The following TGFBI variants were observed in gnomAD, a reference collection of about 807,000 sequenced individuals.
TGFBI encodes transforming growth factor beta induced, also known as transforming growth factor-beta-induced protein ig-h3.
A neutral mutation model predicts 73.7 loss-of-function variants in TGFBI; 50 were observed. That is an observed-to-expected ratio of 0.68 (90% confidence interval 0.54 to 0.86). The LOEUF (loss-of-function observed/expected upper bound fraction) is 0.86, where lower values mean the gene tolerates loss of function less well. Among genes scored for constraint, TGFBI ranks in the 40% least tolerant of loss-of-function variants. The pLI is 0.00. For missense variants in TGFBI, 839 were observed against 877.0 expected, an observed-to-expected ratio of 0.96 and a Z score of 0.55; for synonymous variants, 362 against 360.5, an observed-to-expected ratio of 1.00 and a Z score of -0.05.
chr5:136,043,846 G>A (rs769565892), intron 2 of TGFBI, among the ~76,000 whole-genome samples: 3 of 152,216 alleles, frequency 2.0e-5, no homozygotes, highest in African/African-American at 4.8e-5. Flanking sequence ...GTTGGCAGCC[G>A]CCAGGAGCAT....
At position 136,054,015 on chromosome 5, in the gene TGFBI, T is replaced by A; in HGVS notation, c.1199T>A (p.Leu400His). Reference protein sequence around the residue: ...TAIDLFRQAGLGNHLSGSERL... With the variant: ...TAIDLFRQAGHGNHLSGSERL... ...ATTGACCTTTTCAGACAAGCCGGCCTCGGCAATCATCTCTCTGGAAGTGAG... is the reference window on the plus strand; with the variant it reads ...ATTGACCTTTTCAGACAAGCCGGCCACGGCAATCATCTCTCTGGAAGTGAG... Residue 400 changes from leucine to histidine, a missense_variant, in exon 9 of 17, where the codon CTC (leucine) becomes CAC (histidine). Physicochemically the swap from Leu to His is moderately conservative, Grantham distance 99. Transcript: ENST00000442011. The A allele has an allele frequency of 2.5e-6, 4 of 1,614,054 alleles. No individual in the cohort carries two copies. The highest frequency in any genetic ancestry group is 1.7e-6 in the Non-Finnish European group (2 of 1,179,890).
Position 136,046,462 on chromosome 5 carries a change from C to G in TGFBI, c.426C>G (p.Ala142=), listed in dbSNP as rs1385227019. ...GGCCCGGCAGCTTCACCATCTTCGC[C>G]CCTAGCAACGAGGCCTGGGCCTCCT... ...MEGPGSFTIF[A]PSNEAWASLP... is the part of the protein sequence containing the mutation. The change falls in exon 4 of 17, where the codon GCC becomes GCG. Residue 142 remains alanine (A), a synonymous_variant. Transcript: ENST00000442011. The G allele has an allele frequency of 3.1e-6, 5 of 1,611,912 alleles. No individual in the cohort carries two copies. The African/African-American group carries it at 6.7e-5, about 22-fold the overall frequency.
chr5:136,060,600 C>T (rs947534433), intron 13 of TGFBI, among the ~76,000 whole-genome samples: 1 of 152,106 alleles, frequency 6.6e-6, no homozygotes, highest in Admixed American at 6.6e-5. Flanking sequence ...ATCACAGCTA[C>T]TCTGGAGGCT....
At position 136,063,322 on chromosome 5, in the gene TGFBI, T is replaced by C; in HGVS notation, c.*96T>C. On this transcript the variant is annotated 3_prime_UTR_variant, in exon 17 of 17. Coordinates refer to ENST00000442011, the MANE Select transcript of TGFBI (RefSeq NM_000358.3). ...GTTTGAATGTTTTCAAAACCAAGTA[T>C]CACACTTTAATGTACATGGGCCGCA... The C allele has an allele frequency of 4.2e-6, 5 of 1,178,950 alleles. No individual in the cohort carries two copies. In the South Asian group the frequency reaches 6.5e-5, roughly 15 times the overall value. The allele number at this position is 1,178,950 out of a possible 1,614,324, so 73.0% of individuals were successfully genotyped here.
At chr5:136,061,242 G>A in intron 14 of TGFBI, 1 of 577,442 alleles carries the variant, frequency 1.7e-6, no homozygotes, top group South Asian at 2.1e-5. Context: ...TCCTCTTACA[G>A]CATCTCACCT....
intron 2 of TGFBI, among the ~76,000 whole-genome samples, chr5:136,038,179 C>A (rs1011507131): frequency 1.3e-5 from 2 of 152,180 alleles, no homozygotes; most frequent in Non-Finnish European, 2.9e-5. Context: ...AGGAGGCTGA[C>A]TAGCTGACAA....
chr5:136,043,276 G>A (rs1751371238), intron 2 of TGFBI, among the ~76,000 whole-genome samples: 1 of 152,132 alleles, frequency 6.6e-6, no homozygotes. Flanking sequence ...CAGTGTTTTA[G>A]CCGTCCCCAG....
At chr5:136,040,130 T>C (rs1052758932) in intron 2 of TGFBI, among the ~76,000 whole-genome samples, 3 of 152,238 alleles carry the variant, frequency 2.0e-5, no homozygotes, top group Non-Finnish European at 2.9e-5. Flanking sequence ...TGGAAACTTA[T>C]TTTAGGGAGA....
intron 2 of TGFBI, among the ~76,000 whole-genome samples, 194 bp downstream of exon 2, chr5:136,034,055 G>C (rs1350768961): frequency 4.6e-5 from 7 of 152,088 alleles, no homozygotes; most frequent in Non-Finnish European, 1.0e-4. Context: ...CATTTTTAAG[G>C]CTGCTGACAA....
chr5:136,049,616 G>A, intron 7 of TGFBI, 36 bp downstream of exon 7: 2 of 1,600,200 alleles, frequency 1.2e-6, no homozygotes, highest in South Asian at 1.1e-5. Context: ...TGCCTCATTT[G>A]TGCAGCTAGA....
chr5:136,063,057 C>A (rs1039414848), intron 16 of TGFBI, 129 bp from the exon 17 acceptor site: 9 of 792,844 alleles, frequency 1.1e-5, no homozygotes, highest in African/African-American at 1.7e-5. Flanking sequence ...AACCACAAAG[C>A]ACCTGCTATG....
intron 2 of TGFBI, among the ~76,000 whole-genome samples, chr5:136,040,102 T>A (rs1032358558): frequency 3.9e-5 from 6 of 152,238 alleles, no homozygotes; most frequent in African/African-American, 1.2e-4. Flanking sequence ...GTGGTTGTTT[T>A]AAATTATATT....
At chr5:136,030,212 G>A (rs1188318878) in intron 1 of TGFBI, among the ~76,000 whole-genome samples, 3 of 152,166 alleles carry the variant, frequency 2.0e-5, no homozygotes, top group Non-Finnish European at 4.4e-5. Context: ...GGGGTCTGGC[G>A]TTCACACCCA....
In TGFBI at chr5:136,061,491, C is replaced by A. The variant is rs1416794637; in HGVS notation, c.1907-9C>A. ...CTCTGGTCAAACCTGCCTTTTCTTT[C>A]CTCTTCAGCCAACAGACCTCAGGAA... On this transcript the variant is annotated splice_polypyrimidine_tract_variant and intron_variant, in intron 14 of 16. Transcript: ENST00000442011. 6.3e-7 allele frequency: 1 copy of A among 1,594,668 alleles called. No individual in the cohort carries two copies. The highest frequency in any genetic ancestry group is 8.5e-7 in the Non-Finnish European group (1 of 1,169,656).
At chr5:136,040,324 G>A (rs1422336665) in intron 2 of TGFBI, among the ~76,000 whole-genome samples, 1 of 152,122 alleles carries the variant, frequency 6.6e-6, no homozygotes, top group Non-Finnish European at 1.5e-5. Context: ...ACTAGTCTGT[G>A]ACCTGTTAGG....
chr5:136,054,131 C>T (rs1283300431), intron 9 of TGFBI, 51 bp downstream of exon 9: 23 of 1,590,598 alleles, frequency 1.4e-5, no homozygotes, highest in Non-Finnish European at 2.0e-5. Flanking sequence ...GCAGCTTCCC[C>T]ACCCCTGTCA....
rs1751053186 is a variant in TGFBI, at chr5:136,028,990, C to T, written c.-66C>T. On this transcript the variant is annotated 5_prime_UTR_variant, in exon 1 of 17. Transcript: ENST00000442011. Reference sequence around the variant, plus strand: ...CTGGCCCGGGCGGCGGAGGCGCTCTCACTTCCCTGGAGCCGCCCGCTTGCC... The same window carrying T: ...CTGGCCCGGGCGGCGGAGGCGCTCTTACTTCCCTGGAGCCGCCCGCTTGCC... 4 of 1,496,962 alleles carry T rather than the reference C, an allele frequency of 2.7e-6. No individual in the cohort carries two copies. The highest frequency in any genetic ancestry group is 2.7e-5 in the East Asian group (1 of 36,728). The allele number at this position is 1,496,962 out of a possible 1,614,324, so 92.7% of individuals were successfully genotyped here.
intron 1 of TGFBI, among the ~76,000 whole-genome samples, chr5:136,029,734 C>G (rs1026866771): frequency 6.6e-6 from 1 of 152,182 alleles, no homozygotes; most frequent in Non-Finnish European, 1.5e-5. Flanking sequence ...CTGGGTACAG[C>G]AAGGGCAATG....
chr5:136,036,502 G>T (rs370035805), intron 2 of TGFBI, among the ~76,000 whole-genome samples: 11 of 152,252 alleles, frequency 7.2e-5, no homozygotes, highest in African/African-American at 2.7e-4. Context: ...GAGAGAGGAA[G>T]AGGTGGAACC....
Sources: allele counts gnomAD v4.1 joint callset (sites outside exome capture counted in the v4.1 genomes callset), GRCh38; gene constraint gnomAD v4.1.1; transcripts MANE v1.5; gene names NCBI Gene and HGNC (gene_info 2026-07-23, HGNC 2026-07-21).